The following PARD3 variants were observed in gnomAD, a reference collection of about 807,000 sequenced individuals.
The protein encoded by PARD3 is par-3 family cell polarity regulator.
In PARD3, 75 loss-of-function variants were observed where a neutral mutation model predicts 155.4. That is an observed-to-expected ratio of 0.48 (90% CI 0.40 to 0.58). The LOEUF (loss-of-function observed/expected upper bound fraction) is 0.58. Ranked by LOEUF, PARD3 falls within the 20% of genes least tolerant of loss-of-function variation. The pLI, the probability that PARD3 is intolerant of heterozygous loss-of-function variation, is 0.00. For synonymous variants in PARD3, 576 were observed against 610.5 expected, an observed-to-expected ratio of 0.94 and a Z score of 0.83; for missense variants, 1,642 against 1,721.7, an observed-to-expected ratio of 0.95 and a Z score of 0.82.
At chr10:34,291,650 A>G (rs1956680250) in intron 20 of PARD3, among the ~76,000 whole-genome samples, 1 of 152,158 alleles carries the variant, frequency 6.6e-6, no homozygotes, top group African/African-American at 2.4e-5. Context: ...CATACCCAAG[A>G]CACTTTTTAC....
At chr10:34,631,002 G>C (rs891451038) in intron 2 of PARD3, among the ~76,000 whole-genome samples, 3 of 151,722 alleles carry the variant, frequency 2.0e-5, no homozygotes, top group Non-Finnish European at 4.4e-5. Flanking sequence ...TTTTTGTAGA[G>C]ATGGGTCTTG....
intron 2 of PARD3, among the ~76,000 whole-genome samples, chr10:34,694,571 C>T (rs1396191476): frequency 4.0e-5 from 6 of 149,886 alleles, no homozygotes; most frequent in South Asian, 2.1e-4. Flanking sequence ...CCCAGGTTCA[C>T]GCCATTCTCC....
At chr10:34,379,783 T>C (rs1841639232) in intron 9 of PARD3, among the ~76,000 whole-genome samples, 1 of 152,104 alleles carries the variant, frequency 6.6e-6, no homozygotes, top group Admixed American at 6.5e-5. Flanking sequence ...AAAAAGCTAA[T>C]TTCTACAAAA....
chr10:34,597,080 C>T (rs897733773), intron 2 of PARD3, among the ~76,000 whole-genome samples: 1 of 152,034 alleles, frequency 6.6e-6, no homozygotes, highest in East Asian at 1.9e-4. Flanking sequence ...CTGGGTGTTA[C>T]GCTGGAGCAG....
intron 5 of PARD3, among the ~76,000 whole-genome samples, chr10:34,405,079 A>ACACACACAC (rs1844309207): frequency 8.4e-5 from 5 of 59,420 alleles, no homozygotes; most frequent in African/African-American, 5.3e-4. Flanking sequence ...CACAAACACA[A>ACACACACAC]ACACACACAC....
chr10:34,232,007 G>A (rs540870733), intron 22 of PARD3, among the ~76,000 whole-genome samples: 4 of 152,144 alleles, frequency 2.6e-5, no homozygotes, highest in African/African-American at 7.2e-5. Flanking sequence ...ATAATAGGCC[G>A]AAACACTCAG....
chr10:34,231,349 A>G (rs1952921599), intron 22 of PARD3, among the ~76,000 whole-genome samples: 1 of 151,552 alleles, frequency 6.6e-6, no homozygotes, highest in East Asian at 1.9e-4. Context: ...TACTTCCAGA[A>G]GTCACACTAC....
At chr10:34,563,972 G>A (rs1014082905) in intron 2 of PARD3, among the ~76,000 whole-genome samples, 9 of 152,280 alleles carry the variant, frequency 5.9e-5, no homozygotes, top group Non-Finnish European at 1.3e-4. Flanking sequence ...CAGTGTTGAT[G>A]ATAAAATAAG....
chr10:34,111,229 A>G lies in PARD3; in HGVS notation c.4002T>C (p.Ser1334=), dbSNP rs756200654. The G allele has an allele frequency of 2.3e-5, 37 of 1,609,248 alleles. 1 individual carries two copies. The highest frequency in any genetic ancestry group is 6.7e-5 in the East Asian group (3 of 44,714). ...GAAGTCTGTTCAGCCTCGCAACCTG[A>G]GAAGGGGAGGGGGGCACATCTTGCC... is the stretch of plus-strand genomic sequence containing the variant. ...PFRQDVPPSP[S]QVARLNRLQT... The change falls in exon 25 of 25, where the codon TCT becomes TCC. Residue 1334 remains serine, a synonymous_variant. Transcript: ENST00000374788.
chr10:34,812,928 G>T (rs1844383876), intron 1 of PARD3, among the ~76,000 whole-genome samples: 2 of 152,086 alleles, frequency 1.3e-5, no homozygotes, highest in African/African-American at 4.8e-5. Context: ...CGTGACCAAG[G>T]CCCTGCACTC....
intron 2 of PARD3, among the ~76,000 whole-genome samples, chr10:34,623,887 A>G (rs556727333): frequency 3.9e-5 from 6 of 152,032 alleles, no homozygotes; most frequent in Non-Finnish European, 8.8e-5. Flanking sequence ...AGGCTGAGGC[A>G]GGAGAATCAC....
chr10:34,272,924 T>C (rs1488538266), intron 21 of PARD3, among the ~76,000 whole-genome samples: 1 of 152,194 alleles, frequency 6.6e-6, no homozygotes, highest in Non-Finnish European at 1.5e-5. Flanking sequence ...GATGAGCTAT[T>C]ACTACACACC....
intron 1 of PARD3, among the ~76,000 whole-genome samples, chr10:34,742,326 T>C (rs186562316): frequency 6.6e-6 from 1 of 152,320 alleles, no homozygotes; most frequent in African/African-American, 2.4e-5. Context: ...ATAAATATCA[T>C]AATGCAACAA....
chr10:34,555,998 T>C (rs2084949641), intron 2 of PARD3, among the ~76,000 whole-genome samples: 1 of 152,186 alleles, frequency 6.6e-6, no homozygotes, highest in Non-Finnish European at 1.5e-5. Context: ...TACTTGTGGC[T>C]AGAACTATGA....
intron 21 of PARD3, among the ~76,000 whole-genome samples, chr10:34,278,049 T>C (rs1428710137): frequency 6.6e-6 from 1 of 152,110 alleles, no homozygotes; most frequent in Non-Finnish European, 1.5e-5. Context: ...TTATATTGTC[T>C]TTTCCCCCTG....
At chr10:34,724,212 A>C (rs2094659073) in intron 1 of PARD3, among the ~76,000 whole-genome samples, 1 of 152,154 alleles carries the variant, frequency 6.6e-6, no homozygotes, top group Non-Finnish European at 1.5e-5. Flanking sequence ...TTAATTATTT[A>C]TCTCTCAGGG....
intron 7 of PARD3, among the ~76,000 whole-genome samples, chr10:34,398,458 GA>G (rs541439587): frequency 6.6e-6 from 1 of 150,840 alleles, no homozygotes; most frequent in East Asian, 1.9e-4. Flanking sequence ...AAAATAAAAA[GA>G]AAAAAAATAA....
At chr10:34,650,641 A>G (rs2092980984) in intron 2 of PARD3, among the ~76,000 whole-genome samples, 1 of 152,214 alleles carries the variant, frequency 6.6e-6, no homozygotes, top group Non-Finnish European at 1.5e-5. Flanking sequence ...CAATTCACAC[A>G]TGAAGGTACA....
chr10:34,629,672 A>T (rs952531295), intron 2 of PARD3, among the ~76,000 whole-genome samples: 2 of 152,232 alleles, frequency 1.3e-5, no homozygotes, highest in Admixed American at 1.3e-4. Context: ...TTAAAAAGAG[A>T]CCACCCAGTG....
Sources: allele counts gnomAD v4.1 joint callset (sites outside exome capture counted in the v4.1 genomes callset), GRCh38; gene constraint gnomAD v4.1.1; transcripts MANE v1.5; gene names NCBI Gene and HGNC (gene_info 2026-07-23, HGNC 2026-07-21).